The following SLC1A7 variants were observed in gnomAD, a reference collection of about 807,000 sequenced individuals.
The protein encoded by SLC1A7 is solute carrier family 1 member 7.
Under a neutral mutation model 47.7 loss-of-function variants are expected in SLC1A7, and 40 were observed. The ratio of observed to expected loss-of-function variants is 0.84; its 90% CI spans 0.65 to 1.09. The LOEUF is 1.09. SLC1A7 is among the 50% of genes least tolerant of loss of function. The pLI is 0.00. For missense variants in SLC1A7, 746 were observed against 769.5 expected, an observed-to-expected ratio of 0.97 and a Z score of 0.36; for synonymous variants, 323 against 325.6, an observed-to-expected ratio of 0.99 and a Z score of 0.09.
chr1:53,116,694 G>A (rs1288382), intron 2 of SLC1A7, among the ~76,000 whole-genome samples: 294 of 152,228 alleles, frequency 1.9e-3, no homozygotes, highest in Non-Finnish European at 3.6e-3. Context: ...AGAACCCCCC[G>A]CAGTGGGGTC....
chr1:53,103,489 T>C lies in SLC1A7; in HGVS notation c.554A>G (p.Tyr185Cys). The C allele has an allele frequency of 6.2e-7, 1 of 1,613,156 alleles. No homozygotes were observed. The highest frequency in any genetic ancestry group is 2.2e-5 in the East Asian group (1 of 44,830). The part of the protein sequence containing the change: ...EEAPPRRILI[Y>C]GVQEENGSHV... The stretch of plus-strand genomic sequence containing the variant: ...GGAGCCATTCTCCTCCTGGACCCCG[T>C]AGATGAGGATCCGCCGAGGAGGGGC... Residue 185 changes from tyrosine to cysteine, a missense_variant, in exon 5 of 11, where the codon TAC becomes TGC. By Grantham distance (194) the Tyr-to-Cys change is radical. Transcript: ENST00000371494.
intron 5 of SLC1A7, 77 bp from the exon 6 acceptor site, chr1:53,093,637 T>C: frequency 8.7e-7 from 1 of 1,153,376 alleles, no homozygotes; most frequent in Non-Finnish European, 1.2e-6. Context: ...CATGGCTGGC[T>C]TCCCAGCAGC....
chr1:53,116,683 C>T (rs926456862), intron 2 of SLC1A7, among the ~76,000 whole-genome samples: 13 of 152,138 alleles, frequency 8.5e-5, no homozygotes, highest in African/African-American at 3.1e-4. Flanking sequence ...CCCACCATGA[C>T]AGAACCCCCC....
At chr1:53,126,411 T>A (rs1257333487) in intron 2 of SLC1A7, among the ~76,000 whole-genome samples, 1 of 152,086 alleles carries the variant, frequency 6.6e-6, no homozygotes, top group Non-Finnish European at 1.5e-5. Context: ...GACTCCACTA[T>A]AAGGCGGGGG....
intron 2 of SLC1A7, chr1:53,115,556 G>A (rs74082703): frequency 0.021 from 3,239 of 157,326 alleles, 99 homozygotes; most frequent in African/African-American, 0.066. Context: ...CGGTTCCTGC[G>A]GGCTCCTGGA....
At chr1:53,116,744 C>T (rs774802854) in intron 2 of SLC1A7, among the ~76,000 whole-genome samples, 1 of 152,248 alleles carries the variant, frequency 6.6e-6, no homozygotes, top group Non-Finnish European at 1.5e-5. Context: ...TACCCGAGAG[C>T]AGGCCCTGCC....
At chr1:53,120,667 C>T (rs1644809652) in intron 2 of SLC1A7, among the ~76,000 whole-genome samples, 1 of 152,250 alleles carries the variant, frequency 6.6e-6, no homozygotes, top group African/African-American at 2.4e-5. Context: ...GCAGCCATCT[C>T]ACCCACTTCC....
intron 2 of SLC1A7, among the ~76,000 whole-genome samples, chr1:53,131,876 G>C (rs1284881556): frequency 6.6e-6 from 1 of 152,212 alleles, no homozygotes; most frequent in Non-Finnish European, 1.5e-5. Flanking sequence ...GGCCGGGAGG[G>C]AACAGGGTAC....
chr1:53,115,005 G>T (rs934852827), intron 2 of SLC1A7, 32 bp from the exon 3 acceptor site: 2 of 1,554,110 alleles, frequency 1.3e-6, no homozygotes, highest in Non-Finnish European at 1.8e-6. Flanking sequence ...GGGCTGTGGT[G>T]GGGAGGCCAG....
chr1:53,105,018 T>C (rs952485884), intron 4 of SLC1A7, among the ~76,000 whole-genome samples: 1 of 152,158 alleles, frequency 6.6e-6, no homozygotes, highest in Non-Finnish European at 1.5e-5. Context: ...ATTGTACTTT[T>C]AAGAAATATT....
chr1:53,090,513 G>C, intron 8 of SLC1A7, 99 bp downstream of exon 8: 1 of 1,437,542 alleles, frequency 7.0e-7, no homozygotes, highest in Non-Finnish European at 9.1e-7. Flanking sequence ...TCCGAGCCCA[G>C]GCTCGCTCGC....
rs66541424 is a variant in SLC1A7, at chr1:53,129,185, GAAAAAA to G, written c.215+5159_215+5164del. On this transcript the variant is annotated intron_variant, in intron 2 of 10. Coordinates refer to ENST00000371494, the MANE Select transcript of SLC1A7 (RefSeq NM_006671.6). ...CAGAGTGAGACTATGTCTCAAAAAA[GAAAAAA>G]AAAAAGAAAAAAGAAAAACATGGGA... Among the ~76,000 whole-genome samples, 16 of 125,958 alleles carry G rather than the reference GAAAAAA, an allele frequency of 1.3e-4. 3 individuals carry two copies. In the South Asian group the frequency reaches 3.2e-3, roughly 26 times the overall value. The allele number at this position is 125,958 out of a possible 152,430, so 82.6% of individuals were successfully genotyped here. A position where few individuals can be genotyped will look rare whatever the true frequency, so the allele number is the denominator to read the frequency against.
chr1:53,091,069 C>T (rs531784923), intron 7 of SLC1A7: 9 of 1,011,198 alleles, frequency 8.9e-6, no homozygotes, highest in South Asian at 5.1e-5. Context: ...ACTGCTGTGC[C>T]GAGGGATATG....
Position 53,105,652 on chromosome 1 carries a change from C to G in SLC1A7, c.474+80G>C. Reference sequence around the variant, plus strand: ...ACTGGCCAGCACACCTGTCACTTCCCAGCCATGCCACTAGCCCTGCTGCCT... The same window carrying G: ...ACTGGCCAGCACACCTGTCACTTCCGAGCCATGCCACTAGCCCTGCTGCCT... On this transcript the variant is annotated intron_variant, in intron 4 of 10. Transcript: ENST00000371494. The G allele has an allele frequency of 5.4e-6, 6 of 1,114,502 alleles. No individual in the cohort carries two copies. In the South Asian group the frequency reaches 7.4e-5, roughly 14 times the overall value. 69.0% of individuals were successfully genotyped at this position (1,114,502 alleles called of 1,614,324 possible). A position where few individuals can be genotyped will look rare whatever the true frequency, so the allele number is the denominator to read the frequency against.
At chr1:53,090,462 C>T (rs1287382333) in intron 8 of SLC1A7, 150 bp downstream of exon 8, 13 of 1,263,262 alleles carry the variant, frequency 1.0e-5, no homozygotes, top group Admixed American at 6.2e-5. Context: ...GGCTGTCCTC[C>T]AGGCTCGGAG....
chr1:53,096,099 C>T lies in SLC1A7; in HGVS notation c.698-2539G>A, dbSNP rs117393598. Among the ~76,000 whole-genome samples, 106 of 143,250 alleles carry T rather than the reference C, an allele frequency of 7.4e-4. 2 individuals carry two copies. The East Asian group carries it at 0.022, about 30-fold the overall frequency. 94.0% of individuals were successfully genotyped at this position (143,250 alleles called of 152,430 possible). A position where few individuals can be genotyped will look rare whatever the true frequency, so the allele number is the denominator to read the frequency against. On this transcript the variant is annotated intron_variant, in intron 5 of 10. Transcript: ENST00000371494. ...CACTGCCTTGGTATGCTCACACCCC[C>T]CCACCTCATTACACTCACACACCCC...
intron 2 of SLC1A7, among the ~76,000 whole-genome samples, chr1:53,124,551 G>T (rs1644860884): frequency 6.6e-6 from 1 of 152,112 alleles, no homozygotes; most frequent in Non-Finnish European, 1.5e-5. Context: ...GCTTGTCTGG[G>T]GATGTGTGAA....
At chr1:53,105,900 G>A (rs1231836484) in intron 3 of SLC1A7, 126 bp from the exon 4 acceptor site, 3 of 745,502 alleles carry the variant, frequency 4.0e-6, no homozygotes, top group Non-Finnish European at 7.1e-6. Flanking sequence ...AGCCTCCTCT[G>A]CAGTCTCACC....
At chr1:53,116,801 C>A (rs2150334881) in intron 2 of SLC1A7, among the ~76,000 whole-genome samples, 1 of 152,366 alleles carries the variant, frequency 6.6e-6, no homozygotes, top group Non-Finnish European at 1.5e-5. Context: ...GAACTCAGGG[C>A]CAGACCCAGG....
Sources: allele counts gnomAD v4.1 joint callset (sites outside exome capture counted in the v4.1 genomes callset), GRCh38; gene constraint gnomAD v4.1.1; transcripts MANE v1.5; gene names NCBI Gene and HGNC (gene_info 2026-07-23, HGNC 2026-07-21).